Variants in NF1 observed in about 807,000 individuals in gnomAD.
NF1 encodes the protein neurofibromin 1.
A neutral mutation model predicts 325.7 loss-of-function variants in NF1; 122 were observed. That is an observed-to-expected ratio of 0.37 (90% CI 0.32 to 0.44). The LOEUF is 0.44. Ranked by LOEUF, NF1 falls within the 20% of genes least tolerant of loss-of-function variation. The pLI is 1.00. For synonymous variants in NF1, 1,091 were observed against 1,186.0 expected (o/e 0.92, Z 1.65); for missense variants, 2,140 against 3,415.4 (o/e 0.63, Z 9.31).
At chr17:31,274,203 G>T (rs753087815) in intron 36 of NF1, among the ~76,000 whole-genome samples, 1 of 152,120 alleles carries the variant, frequency 6.6e-6, no homozygotes, top group African/African-American at 2.4e-5. Context: ...GTGTGTTTGT[G>T]TATGGTTTTT....
At chr17:31,254,291 AAG>A (rs1238282092) in intron 31 of NF1, 12 of 149,868 alleles carry the variant, frequency 8.0e-5, no homozygotes, top group African/African-American at 3.0e-4. Flanking sequence ...AAAAAAAAAA[AAG>A]AAAACGAAAA....
intron 1 of NF1, among the ~76,000 whole-genome samples, chr17:31,149,076 A>G (rs549125108): frequency 5.3e-5 from 8 of 151,260 alleles, no homozygotes; most frequent in Non-Finnish European, 1.0e-4. Flanking sequence ...TCTTAGATGA[A>G]TGGAACATAC....
At chr17:31,107,449 G>A (rs186968730) in intron 1 of NF1, among the ~76,000 whole-genome samples, 7 of 152,016 alleles carry the variant, frequency 4.6e-5, no homozygotes, top group Admixed American at 4.6e-4. Context: ...ATTTTTTGTA[G>A]AGACGAGGTT....
At chr17:31,295,125 A>G in intron 36 of NF1, 3 of 1,614,114 alleles carry the variant, frequency 1.9e-6, no homozygotes, top group Non-Finnish European at 2.5e-6. Context: ...TCTTCCCTCC[A>G]TAAGTTAAGG....
intron 8 of NF1, among the ~76,000 whole-genome samples, chr17:31,199,507 T>C (rs1389524807): frequency 5.9e-5 from 9 of 152,224 alleles, no homozygotes; most frequent in African/African-American, 1.7e-4. Flanking sequence ...TTTTGGAGAA[T>C]GTTCCATGTA....
intron 36 of NF1, among the ~76,000 whole-genome samples, chr17:31,271,568 AT>A (rs1013933072): frequency 6.6e-6 from 1 of 152,054 alleles, no homozygotes; most frequent in Non-Finnish European, 1.5e-5. Flanking sequence ...CGTGGCCAAC[AT>A]GGTGAAACCC....
chr17:31,357,194 A>G (rs1466110374), intron 53 of NF1, 75 bp from the exon 54 acceptor site: 5 of 1,591,428 alleles, frequency 3.1e-6, no homozygotes, highest in Middle Eastern at 1.7e-4. Flanking sequence ...ACAGTCTTCT[A>G]CTTCTCACCC....
chr17:31,258,245 T>C lies in NF1; in HGVS notation c.4174-99T>C, dbSNP rs2067617704. On this transcript the variant is annotated intron_variant, in intron 31 of 57. Coordinates refer to ENST00000358273, the MANE Select transcript of NF1 (RefSeq NM_001042492.3). ...TATGTCATTCATGAGGACTGATTGA[T>C]TCAGAGTTTTTATGCAAAGTTTGAC... The C allele has an allele frequency of 1.0e-5, 13 of 1,282,540 alleles. 1 individual carries two copies. The South Asian group carries it at 1.5e-4, about 15-fold the overall frequency. The allele number at this position is 1,282,540 out of a possible 1,614,324, so 79.4% of individuals were successfully genotyped here.
intron 39 of NF1, 92 bp from the exon 40 acceptor site, chr17:31,334,746 T>A: frequency 9.5e-7 from 1 of 1,052,754 alleles, no homozygotes; most frequent in African/African-American, 1.6e-5. Flanking sequence ...AGTCTTTACC[T>A]TTTACCATTT....
intron 50 of NF1, 82 bp downstream of exon 50, chr17:31,350,400 A>G (rs2070111010): frequency 8.2e-7 from 1 of 1,221,058 alleles, no homozygotes; most frequent in Non-Finnish European, 1.2e-6. Flanking sequence ...CAGCAGAGTA[A>G]TCTAGAAGGT....
At chr17:31,236,153 A>G (rs1290046746) in intron 29 of NF1, 132 bp downstream of exon 29, 1 of 671,714 alleles carries the variant, frequency 1.5e-6, no homozygotes, top group African/African-American at 1.8e-5. Context: ...TATAAAAGTT[A>G]TATACAAATA....
intron 5 of NF1, among the ~76,000 whole-genome samples, chr17:31,179,221 C>G (rs996771475): frequency 5.9e-5 from 9 of 152,176 alleles, no homozygotes; most frequent in African/African-American, 2.2e-4. Flanking sequence ...CTCTAAACCA[C>G]ACAACTACAT....
Position 31,337,356 on chromosome 17 carries a change from A to G in NF1, c.6428-12A>G, listed in dbSNP as rs748637620. On this transcript the variant is annotated splice_polypyrimidine_tract_variant and intron_variant, in intron 42 of 57. Coordinates refer to ENST00000358273, the MANE Select transcript of NF1 (RefSeq NM_001042492.3). Reference sequence around the variant, plus strand: ...ATTTTCTGTCTTTACTTGTTCCTTTATTCTCTTACAGAAGAGACCAAGCAA... The same window carrying G: ...ATTTTCTGTCTTTACTTGTTCCTTTGTTCTCTTACAGAAGAGACCAAGCAA... The G allele has an allele frequency of 6.3e-7, 1 of 1,586,998 alleles. No individual in the cohort carries two copies. Among genetic ancestry groups the G allele is most frequent in the African/African-American group, 1.3e-5 (1 of 74,362 alleles).
At chr17:31,305,032 T>C (rs1451760612) in intron 36 of NF1, 1 of 1,614,092 alleles carries the variant, frequency 6.2e-7, no homozygotes, top group Admixed American at 1.7e-5. Context: ...TTGTGGGGTT[T>C]GTTTGTTACT....
intron 36 of NF1, among the ~76,000 whole-genome samples, chr17:31,270,591 CAG>C (rs1479476651): frequency 1.3e-5 from 2 of 152,166 alleles, no homozygotes; most frequent in South Asian, 4.1e-4. Flanking sequence ...GCCTGGGCAA[CAG>C]AGTGAGGCCT....
intron 1 of NF1, among the ~76,000 whole-genome samples, chr17:31,107,975 A>T (rs936340732): frequency 1.3e-5 from 2 of 151,904 alleles, no homozygotes; most frequent in Non-Finnish European, 2.9e-5. Context: ...GCACAAAAAA[A>T]TAAAAAAAGT....
rs753450946 is a variant in NF1, at chr17:31,200,997, G to T, written c.1063-40G>T. On this transcript the variant is annotated intron_variant, in intron 9 of 57. Coordinates refer to ENST00000358273, the MANE Select transcript of NF1 (RefSeq NM_001042492.3). ...CATGTTAGTAAAGAAATACTGCATG[G>T]GTATTTAAAGGCTTTTGTTTTCTGT... 101 of 1,610,570 alleles carry T rather than the reference G, an allele frequency of 6.3e-5. 1 individual carries two copies. Among genetic ancestry groups the T allele is most frequent in the Admixed American group, 4.7e-4 (28 of 59,980 alleles).
At chr17:31,247,848 A>G (rs2067423691) in intron 29 of NF1, among the ~76,000 whole-genome samples, 1 of 152,236 alleles carries the variant, frequency 6.6e-6, no homozygotes, top group South Asian at 2.1e-4. Context: ...AATCTCAGAA[A>G]CATAATGTAG....
chr17:31,164,745 C>G (rs924699823), intron 4 of NF1, among the ~76,000 whole-genome samples: 1 of 152,064 alleles, frequency 6.6e-6, no homozygotes, highest in Non-Finnish European at 1.5e-5. Flanking sequence ...AATGACATTT[C>G]TATAATTAAG....
Sources: allele counts gnomAD v4.1 joint callset (sites outside exome capture counted in the v4.1 genomes callset), GRCh38; gene constraint gnomAD v4.1.1; transcripts MANE v1.5; gene names NCBI Gene and HGNC (gene_info 2026-07-23, HGNC 2026-07-21).